The following NKAIN3 variants were observed in gnomAD, a reference collection of about 807,000 sequenced individuals.
NKAIN3 encodes sodium/potassium transporting ATPase interacting 3, also known as sodium/potassium-transporting ATPase subunit beta-1-interacting protein 3.
NKAIN3 carries 25 observed loss-of-function variants against 30.2 expected under a neutral mutation model. The observed-to-expected ratio is 0.83, with a 90% CI of 0.60 to 1.16. The LOEUF is 1.16. NKAIN3 is among the 50% of genes most tolerant of loss of function. The probability of loss-of-function intolerance (pLI) is 0.00; values close to 1 mark genes in which losing one functional copy is unlikely to be tolerated. For synonymous variants in NKAIN3, 91 were observed against 89.6 expected, an observed-to-expected ratio of 1.02 and a Z score of -0.09; for missense variants, 225 against 254.1, an observed-to-expected ratio of 0.89 and a Z score of 0.78.
intron 3 of NKAIN3, among the ~76,000 whole-genome samples, chr8:62,711,241 C>G (rs943393106): frequency 6.6e-6 from 1 of 152,132 alleles, no homozygotes; most frequent in Non-Finnish European, 1.5e-5. Context: ...CAATGAATTT[C>G]CCAGTTGTTC....
chr8:62,495,778 C>T (rs1176336479), intron 1 of NKAIN3, among the ~76,000 whole-genome samples: 1 of 152,008 alleles, frequency 6.6e-6, no homozygotes, highest in African/African-American at 2.4e-5. Flanking sequence ...TGAACTGAGT[C>T]CTAACTTTTG....
At chr8:62,593,750 T>C (rs1037960508) in intron 3 of NKAIN3, among the ~76,000 whole-genome samples, 3 of 152,060 alleles carry the variant, frequency 2.0e-5, no homozygotes, top group Admixed American at 6.6e-5. Context: ...AACAGAATTT[T>C]CTGTTTAAAA....
rs201006172 is a variant in NKAIN3 at position 62,645,361 on chromosome 8, T to C, written c.273+55567T>C. ...GTAAGTAGAGAAAAATCCTACCAGA[T>C]ACTATGTGAATGACAGAATTTATTT... On this transcript the variant is annotated intron_variant, in intron 3 of 6. Transcript: ENST00000623646. Among the ~76,000 whole-genome samples the C allele has an allele frequency of 5.9e-5, 9 of 152,188 alleles. No homozygotes were observed. In the East Asian group the frequency reaches 1.7e-3, roughly 29 times the overall value.
At chr8:62,611,891 T>C (rs1811304448) in intron 3 of NKAIN3, among the ~76,000 whole-genome samples, 1 of 152,142 alleles carries the variant, frequency 6.6e-6, no homozygotes, top group Non-Finnish European at 1.5e-5. Context: ...GTTGTACTAA[T>C]TTACATTCCC....
rs77525068 is a variant in NKAIN3, at chr8:62,429,231, G to A, written c.55-150308G>A. On this transcript the variant is annotated intron_variant, in intron 1 of 6. Coordinates refer to ENST00000623646, the MANE Select transcript of NKAIN3 (RefSeq NM_001304533.3). ...CTTGTCTCGTTCCATTCACAGTGAC[G>A]CTTGCTATAGGTTTGTCATATATGG... 6.7e-3 allele frequency among the ~76,000 whole-genome samples: 1,018 copies of A among 151,920 alleles called. 9 individuals are homozygous for A. The highest frequency in any genetic ancestry group is 0.024 in the East Asian group (124 of 5,154).
chr8:62,342,446 A>G (rs1460013058), intron 1 of NKAIN3, among the ~76,000 whole-genome samples: 1 of 152,068 alleles, frequency 6.6e-6, no homozygotes, highest in Non-Finnish European at 1.5e-5. Context: ...ATGTACAAAG[A>G]CCAATGCAAT....
chr8:62,406,547 C>G (rs940379399), intron 1 of NKAIN3, among the ~76,000 whole-genome samples: 2 of 152,028 alleles, frequency 1.3e-5, no homozygotes, highest in African/African-American at 4.8e-5. Context: ...CTGTTGCTTT[C>G]TGGGCTGTAA....
chr8:62,674,856 T>C (rs932793595), intron 3 of NKAIN3, among the ~76,000 whole-genome samples: 6 of 152,206 alleles, frequency 3.9e-5, no homozygotes, highest in African/African-American at 1.2e-4. Flanking sequence ...ATGGTCTTGC[T>C]CTGCTGCGCC....
At chr8:62,397,586 T>A (rs901772006) in intron 1 of NKAIN3, among the ~76,000 whole-genome samples, 20 of 152,116 alleles carry the variant, frequency 1.3e-4, no homozygotes, top group African/African-American at 4.6e-4. Context: ...GTCTCTTGAC[T>A]CCCAATTAGT....
intron 1 of NKAIN3, chr8:62,473,070 CTA>C (rs1485558870): frequency 6.6e-6 from 1 of 152,240 alleles, no homozygotes; most frequent in Non-Finnish European, 1.5e-5. Context: ...CTATCTACTG[CTA>C]TGTTTGCACA....
intron 1 of NKAIN3, among the ~76,000 whole-genome samples, chr8:62,362,571 C>G (rs933445212): frequency 2.6e-5 from 4 of 152,130 alleles, no homozygotes; most frequent in African/African-American, 9.7e-5. Context: ...CCAAGAGAAA[C>G]TGCACAGTAC....
rs1378560027 is a variant in NKAIN3 at position 62,664,810 on chromosome 8, A to G, written c.273+75016A>G. ...CAAAGAGTCACTTAGGTCATTTTCT[A>G]TGATTCAGATCAAGAACTCCAGCTG... On this transcript the variant is annotated intron_variant, in intron 3 of 6. Coordinates refer to ENST00000623646, the MANE Select transcript of NKAIN3 (RefSeq NM_001304533.3). 3.9e-5 allele frequency among the ~76,000 whole-genome samples: 6 copies of G among 152,184 alleles called. No individual in the cohort carries two copies. In the East Asian group the frequency reaches 1.2e-3, roughly 29 times the overall value.
At chr8:62,512,896 G>A (rs974440167) in intron 1 of NKAIN3, among the ~76,000 whole-genome samples, 2 of 152,018 alleles carry the variant, frequency 1.3e-5, no homozygotes, top group Non-Finnish European at 2.9e-5. Context: ...TTACCAACAA[G>A]TGACAAATGA....
At chr8:62,381,816 ATCT>A (rs200942690) in intron 1 of NKAIN3, among the ~76,000 whole-genome samples, 5,091 of 152,238 alleles carry the variant, frequency 0.033, 320 homozygotes, top group African/African-American at 0.12. Context: ...AGGCATGAAT[ATCT>A]TCTTAATATT....
chr8:62,422,105 T>C (rs565021618), intron 1 of NKAIN3, among the ~76,000 whole-genome samples: 264 of 152,260 alleles, frequency 1.7e-3, no homozygotes, highest in African/African-American at 6.0e-3. Context: ...AACTAAAATA[T>C]GTCAAGTTAT....
At chr8:62,986,169 G>A (rs1266392116), downstream of NKAIN3, among the ~76,000 whole-genome samples, 1 of 152,160 alleles carries the variant, frequency 6.6e-6, no homozygotes, top group African/African-American at 2.4e-5. Flanking sequence ...AGAAGAATGT[G>A]TATTTGGAGA....
intron 1 of NKAIN3, among the ~76,000 whole-genome samples, chr8:62,572,501 C>T (rs900090903): frequency 6.6e-6 from 1 of 152,196 alleles, no homozygotes; most frequent in African/African-American, 2.4e-5. Flanking sequence ...GGTATATTTT[C>T]AGCAACACCT....
chr8:62,586,918 G>A lies in NKAIN3; in HGVS notation c.193-2796G>A, dbSNP rs1810493957. ...TGCAGAGTGATTTTTTTCTTATATT[G>A]AAAAGCTTTCTTTACTACAAGTATA... On this transcript the variant is annotated intron_variant, in intron 2 of 6. Coordinates refer to ENST00000623646, the MANE Select transcript of NKAIN3 (RefSeq NM_001304533.3). 3.3e-5 allele frequency among the ~76,000 whole-genome samples: 5 copies of A among 152,004 alleles called. No homozygotes were observed. In the South Asian group the frequency reaches 1.0e-3, roughly 32 times the overall value.
intron 3 of NKAIN3, among the ~76,000 whole-genome samples, chr8:62,609,819 G>T (rs566672491): frequency 6.6e-6 from 1 of 152,182 alleles, no homozygotes; most frequent in African/African-American, 2.4e-5. Flanking sequence ...AAAGGATGCC[G>T]AGTCATGTTG....
Sources: allele counts gnomAD v4.1 joint callset (sites outside exome capture counted in the v4.1 genomes callset), GRCh38; gene constraint gnomAD v4.1.1; transcripts MANE v1.5; gene names NCBI Gene and HGNC (gene_info 2026-07-23, HGNC 2026-07-21).